The following MID1 variants were observed in gnomAD, a reference collection of about 807,000 sequenced individuals.
The protein encoded by MID1 is E3 ubiquitin-protein ligase Midline-1.
A neutral mutation model predicts 40.4 loss-of-function variants in MID1; 7 were observed. That is an observed-to-expected ratio of 0.17 (90% CI 0.10 to 0.33). The LOEUF is 0.33. Ranked by LOEUF, MID1 falls within the 10% of genes least tolerant of loss-of-function variation. MID1 has a pLI of 1.00. For missense variants in MID1, 367 were observed against 558.5 expected, an observed-to-expected ratio of 0.66 and a Z score of 3.46; for synonymous variants, 229 against 221.2, an observed-to-expected ratio of 1.04 and a Z score of -0.31.
At chrX:10,720,464 C>A (rs1241795061) in intron 1 of MID1, among the ~76,000 whole-genome samples, 2 of 112,149 alleles carry the variant, frequency 1.8e-5, no homozygotes, top group Non-Finnish European at 3.8e-5. Context: ...TCATCACTGG[C>A]CATCAGAGAA....
Position 10,501,504 on chromosome X carries a change from T to C in MID1, c.757-5813A>G, listed in dbSNP as rs763223034. 5 of 1,152,840 alleles carry C rather than the reference T, an allele frequency of 4.3e-6. No homozygotes were observed. The South Asian group carries it at 7.6e-5, about 18-fold the overall frequency. ...GGAGTTGCTGACCCACTTTCTCCTA[T>C]TCCTAGGGTAATACTGCTGCTTCTC... On this transcript the variant is annotated intron_variant, in intron 3 of 9. Coordinates refer to ENST00000317552, the MANE Select transcript of MID1 (RefSeq NM_000381.4).
intron 1 of MID1, among the ~76,000 whole-genome samples, chrX:10,609,715 C>CTTT (rs138559299): frequency 3.4e-4 from 29 of 86,375 alleles, no homozygotes; most frequent in African/African-American, 5.3e-4. Context: ...TTCTTTCTTT[C>CTTT]TTTTTTTTTT....
At chrX:10,782,026 A>G (rs1462904691) in intron 1 of MID1, among the ~76,000 whole-genome samples, 4 of 112,115 alleles carry the variant, frequency 3.6e-5, no homozygotes, top group Admixed American at 2.8e-4. Flanking sequence ...TATAAAGTAC[A>G]CCTCTGAAAC....
chrX:10,545,329 C>T (rs1426233892), intron 2 of MID1, among the ~76,000 whole-genome samples: 1 of 111,878 alleles, frequency 8.9e-6, no homozygotes, highest in East Asian at 2.8e-4. Flanking sequence ...AGAAAAAATA[C>T]CTGGATAGAA....
chrX:10,667,396 C>T (rs2042957617), intron 1 of MID1, among the ~76,000 whole-genome samples: 1 of 111,618 alleles, frequency 9.0e-6, no homozygotes, highest in Non-Finnish European at 1.9e-5. Flanking sequence ...CCACCAGACT[C>T]TGCTGGATTA....
Position 10,449,354 on chromosome X carries a change from A to AT in MID1, c.*13dup. On this transcript the variant is annotated 3_prime_UTR_variant, in exon 10 of 10. Coordinates refer to ENST00000317552, the MANE Select transcript of MID1 (RefSeq NM_000381.4). ...TTACTGTTCCCCAGAAAGCAGCTCC[A>AT]TGTGGCCAGACGCTCACGGCAGCTG... is the stretch of plus-strand genomic sequence containing the variant. The AT allele has an allele frequency of 8.4e-7, 1 of 1,193,662 alleles. No individual in the cohort carries two copies. Among genetic ancestry groups the AT allele is most frequent in the Non-Finnish European group, 1.1e-6 (1 of 879,967 alleles).
At chrX:10,686,201 C>T (rs2043096681) in intron 1 of MID1, among the ~76,000 whole-genome samples, 1 of 111,294 alleles carries the variant, frequency 9.0e-6, no homozygotes, top group Non-Finnish European at 1.9e-5. Context: ...TGCTGACCAT[C>T]CTTCTGGGGA....
intron 6 of MID1, among the ~76,000 whole-genome samples, chrX:10,472,756 G>A (rs1929782359): frequency 8.9e-6 from 1 of 111,869 alleles, no homozygotes; most frequent in Non-Finnish European, 1.9e-5. Flanking sequence ...CACAACACTT[G>A]GAGGTGGAGT....
chrX:10,727,349 C>G (rs922685659), intron 1 of MID1, among the ~76,000 whole-genome samples: 1 of 112,235 alleles, frequency 8.9e-6, no homozygotes, highest in Non-Finnish European at 1.9e-5. Context: ...AAACTCCTGA[C>G]CTCAGGTGAT....
In MID1 at chrX:10,639,819, G is replaced by A. The variant is rs899422563; in HGVS notation, c.-186-19400C>T. 1.8e-4 allele frequency among the ~76,000 whole-genome samples: 20 copies of A among 112,003 alleles called. No homozygotes were observed. In the South Asian group the frequency reaches 1.9e-3, roughly 11 times the overall value. ...CCATCAGACTAACAGCTGATCTGTC[G>A]GCAGAAACTCTACAAGCCAGAAGGG... is the stretch of plus-strand genomic sequence containing the variant. On this transcript the variant is annotated intron_variant, in intron 1 of 10. Transcript: ENST00000380785.
At chrX:10,547,289 G>A (rs1445287572) in intron 2 of MID1, among the ~76,000 whole-genome samples, 1 of 111,300 alleles carries the variant, frequency 9.0e-6, no homozygotes, top group Non-Finnish European at 1.9e-5. Context: ...AAGAAAGAAG[G>A]AGGCCGGGCA....
chrX:10,533,396 A>AAAGG (rs1933096592), intron 2 of MID1, among the ~76,000 whole-genome samples: 1 of 32,778 alleles, frequency 3.1e-5, no homozygotes, highest in African/African-American at 1.0e-4. Flanking sequence ...GAAAGAAAAG[A>AAAGG]AAGAAAGAAA....
At chrX:10,523,396 T>G (rs1363579123) in intron 2 of MID1, among the ~76,000 whole-genome samples, 1 of 112,007 alleles carries the variant, frequency 8.9e-6, no homozygotes, top group Non-Finnish European at 1.9e-5. Flanking sequence ...GACTTTATTC[T>G]TTTTGTTCCT....
chrX:10,528,133 T>C (rs749624414), intron 2 of MID1, among the ~76,000 whole-genome samples: 48 of 110,838 alleles, frequency 4.3e-4, no homozygotes, highest in Middle Eastern at 4.7e-3. Context: ...TCCTCCAAAT[T>C]CCAGGCTGTA....
At chrX:10,780,261 AG>A (rs746875870) in intron 1 of MID1, among the ~76,000 whole-genome samples, 57 of 111,943 alleles carry the variant, frequency 5.1e-4, no homozygotes, top group South Asian at 1.9e-3. Flanking sequence ...ACACCATGCC[AG>A]GCCAGAGAGC....
chrX:10,642,838 A>G (rs1936216327), intron 1 of MID1, among the ~76,000 whole-genome samples: 1 of 110,485 alleles, frequency 9.1e-6, no homozygotes, highest in Admixed American at 9.6e-5. Context: ...GGAACAGAAC[A>G]GAGCCCTCAG....
At chrX:10,755,524 A>G in intron 1 of MID1, among the ~76,000 whole-genome samples, 1 of 112,146 alleles carries the variant, frequency 8.9e-6, no homozygotes, top group Middle Eastern at 4.6e-3. Context: ...CCCCTACTTC[A>G]TGGCAAAGAC....
chrX:10,803,352 CTTTT>C (rs757624510), intron 1 of MID1, among the ~76,000 whole-genome samples: 2 of 90,691 alleles, frequency 2.2e-5, no homozygotes, highest in Non-Finnish European at 2.2e-5. Flanking sequence ...ACTATATTTT[CTTTT>C]TTTTTTTTTT....
At chrX:10,499,477 A>G (rs1931434215) in intron 3 of MID1, among the ~76,000 whole-genome samples, 1 of 111,587 alleles carries the variant, frequency 9.0e-6, no homozygotes, top group South Asian at 3.7e-4. Context: ...CTACTTTTCT[A>G]TTGTTACTTG....
Sources: allele counts gnomAD v4.1 joint callset (sites outside exome capture counted in the v4.1 genomes callset), GRCh38; gene constraint gnomAD v4.1.1; transcripts MANE v1.5; gene names NCBI Gene and HGNC (gene_info 2026-07-23, HGNC 2026-07-21).